BCAS3: variants seen among roughly 807,000 people sequenced by gnomAD.
BCAS3 encodes BCAS4/BCAS3 fusion.
Under a neutral mutation model 116.1 loss-of-function variants are expected in BCAS3, and 53 were observed. The observed-to-expected ratio is 0.46, with a 90% confidence interval of 0.37 to 0.57. BCAS3 has a LOEUF of 0.57. Ranked by LOEUF, BCAS3 falls within the 20% of genes least tolerant of loss-of-function variation. The probability of loss-of-function intolerance (pLI) is 0.00; values close to 1 mark genes in which losing one functional copy is unlikely to be tolerated. For synonymous variants in BCAS3, 391 were observed against 408.2 expected (o/e 0.96, Z 0.51); for missense variants, 917 against 1,165.4 (o/e 0.79, Z 3.10).
At position 61,286,957 on chromosome 17, in the gene BCAS3, G is replaced by A. The variant is rs145867380; in HGVS notation, c.2426-81370G>A. On this transcript the variant is annotated intron_variant, in intron 22 of 23. Coordinates refer to ENST00000407086, the MANE Select transcript of BCAS3 (RefSeq NM_017679.5). The surrounding 1 kb of genome is among the most constrained non-coding windows in gnomAD (Gnocchi z 4.8). ...ATGCCATGGTCTTTACACCTAAAGA[G>A]CTCTATGGAGGCCAGGCGTGGTGGC... Among the ~76,000 whole-genome samples, 996 of 152,278 alleles carry A rather than the reference G, an allele frequency of 6.5e-3. 2 individuals are homozygous for A. Among genetic ancestry groups the A allele is most frequent in the Non-Finnish European group, 0.011 (770 of 68,024 alleles).
At chr17:60,760,811 T>C (rs1211029863) in intron 6 of BCAS3, among the ~76,000 whole-genome samples, 1 of 152,300 alleles carries the variant, frequency 6.6e-6, no homozygotes, top group Middle Eastern at 3.4e-3. Context: ...TCTAACCCTT[T>C]CATTCTATCT....
At position 61,220,308 on chromosome 17, in the gene BCAS3, A is replaced by AAACAAAC. The variant is rs1410207443; in HGVS notation, c.2425+135750_2425+135751insCAACAAA. Among the ~76,000 whole-genome samples the AAACAAAC allele has an allele frequency of 3.1e-4, 5 of 15,956 alleles. No individual in the cohort carries two copies. The highest frequency in any genetic ancestry group is 1.1e-3 in the African/African-American group (5 of 4,696). 10.5% of individuals were successfully genotyped at this position (15,956 alleles called of 152,430 possible). On this transcript the variant is annotated intron_variant, in intron 22 of 23. Coordinates refer to ENST00000407086, the MANE Select transcript of BCAS3 (RefSeq NM_017679.5). The surrounding 1 kb of genome is among the most constrained non-coding windows in gnomAD (Gnocchi z 4.5). ...GACTCCATCTCAAAAAACAAACAAA[A>AAACAAAC]AACAAAAAAACTGAAGTTTTCTCAT... is the stretch of plus-strand genomic sequence containing the variant.
At position 61,380,056 on chromosome 17, in the gene BCAS3, G is replaced by A. The variant is rs2059534437; in HGVS notation, c.2593+11562G>A. The A allele has an allele frequency of 5.7e-6, 1 of 175,362 alleles. No homozygotes were observed. Among genetic ancestry groups the A allele is most frequent in the South Asian group, 1.3e-4 (1 of 7,414 alleles). The allele number at this position is 175,362 out of a possible 1,614,324, so 10.9% of individuals were successfully genotyped here. A position where few individuals can be genotyped will look rare whatever the true frequency, so the allele number is the denominator to read the frequency against. ...TCCCCGACCACTGAGAGCTGAGTAG[G>A]ATCCTGTGGTTAGTGCCCTTGAGCT... On this transcript the variant is annotated intron_variant, in intron 23 of 23. Coordinates refer to ENST00000407086, the MANE Select transcript of BCAS3 (RefSeq NM_017679.5). This position sits in a 1 kb window ranked among gnomAD's most constrained non-coding sequence, Gnocchi z 4.2.
intron 19 of BCAS3, among the ~76,000 whole-genome samples, chr17:61,069,243 TAAA>T (rs2071055490): frequency 6.6e-6 from 1 of 152,000 alleles, no homozygotes. Context: ...GGAAGAGTAA[TAAA>T]GCTACCCAGC....
At chr17:60,697,458 C>G (rs181068395) in intron 4 of BCAS3, among the ~76,000 whole-genome samples, 97 of 151,910 alleles carry the variant, frequency 6.4e-4, no homozygotes, top group African/African-American at 2.2e-3. Flanking sequence ...TGGCAGGTGC[C>G]CGTAATCCCA....
rs902508683 is a variant in BCAS3, at chr17:61,362,882, T to C, written c.2426-5445T>C. On this transcript the variant is annotated intron_variant, in intron 22 of 23. Coordinates refer to ENST00000407086, the MANE Select transcript of BCAS3 (RefSeq NM_017679.5). The surrounding 1 kb of genome is among the most constrained non-coding windows in gnomAD (Gnocchi z 4.4). ...GCTCACTTATCTTCTTCTTCCTTCC[T>C]CTCTTTTAATTTTAACTCCACTTTC... 1 of 152,208 alleles carries C rather than the reference T, an allele frequency of 6.6e-6. No homozygotes were observed. Among genetic ancestry groups the C allele is most frequent in the Non-Finnish European group, 1.5e-5 (1 of 68,034 alleles). The allele number at this position is 152,208 out of a possible 1,614,324, so 9.4% of individuals were successfully genotyped here. A position where few individuals can be genotyped will look rare whatever the true frequency, so the allele number is the denominator to read the frequency against.
chr17:61,233,025 T>A lies in BCAS3; in HGVS notation c.2426-135302T>A, dbSNP rs944871974. On this transcript the variant is annotated intron_variant, in intron 22 of 23. Coordinates refer to ENST00000407086, the MANE Select transcript of BCAS3 (RefSeq NM_017679.5). This position sits in a 1 kb window ranked among gnomAD's most constrained non-coding sequence, Gnocchi z 4.3. The stretch of plus-strand genomic sequence containing the variant: ...GTGTTTGTTTTGGGCCTCCATGAAG[T>A]CATTCCTTTGCAGTGATCTGTAGCT... Among the ~76,000 whole-genome samples the A allele has an allele frequency of 2.0e-5, 3 of 152,204 alleles. No individual in the cohort carries two copies. The highest frequency in any genetic ancestry group is 2.9e-5 in the Non-Finnish European group (2 of 68,036).
intron 6 of BCAS3, among the ~76,000 whole-genome samples, chr17:60,756,766 T>C (rs1015179992): frequency 6.6e-6 from 1 of 152,226 alleles, no homozygotes; most frequent in Non-Finnish European, 1.5e-5. Context: ...TTCTTCTCCT[T>C]TGGATAAATA....
chr17:60,890,393 G>T (rs900086377), intron 10 of BCAS3, among the ~76,000 whole-genome samples: 1 of 152,138 alleles, frequency 6.6e-6, no homozygotes, highest in East Asian at 1.9e-4. Flanking sequence ...AGTGGAGGTT[G>T]TGGTGAGCTG....
At chr17:60,968,614 C>A (rs908307401) in intron 14 of BCAS3, among the ~76,000 whole-genome samples, 1 of 152,016 alleles carries the variant, frequency 6.6e-6, no homozygotes, top group Non-Finnish European at 1.5e-5. Flanking sequence ...TTCACCTTGG[C>A]TCTGCTAAAT....
At chr17:61,304,214 T>C (rs1239427167) in intron 22 of BCAS3, among the ~76,000 whole-genome samples, 1 of 152,244 alleles carries the variant, frequency 6.6e-6, no homozygotes, top group Non-Finnish European at 1.5e-5. Context: ...TCTTCCCACC[T>C]TTACTTTGGC....
intron 2 of BCAS3, among the ~76,000 whole-genome samples, chr17:60,680,633 T>G (rs927138584): frequency 4.6e-5 from 7 of 152,024 alleles, no homozygotes; most frequent in African/African-American, 1.7e-4. Flanking sequence ...TTTGAAGATA[T>G]GTATACTTTT....
At chr17:60,895,094 G>A (rs968152293) in intron 10 of BCAS3, among the ~76,000 whole-genome samples, 1 of 152,022 alleles carries the variant, frequency 6.6e-6, no homozygotes, top group Non-Finnish European at 1.5e-5. Flanking sequence ...GTTAGGGAGA[G>A]TTTCTTCCTC....
At chr17:61,109,283 T>TTGTGTGTGTGTGTGTG (rs113547904) in intron 22 of BCAS3, among the ~76,000 whole-genome samples, 5 of 145,430 alleles carry the variant, frequency 3.4e-5, no homozygotes, top group African/African-American at 1.3e-4. Context: ...AGTATTCCAT[T>TTGTGTGTGTGTGTGTG]TGTGTGTGTG....
intron 7 of BCAS3, among the ~76,000 whole-genome samples, chr17:60,845,872 T>TCCTCCTGCCTTGA (rs2052478298): frequency 6.6e-6 from 1 of 151,494 alleles, no homozygotes; most frequent in Admixed American, 6.6e-5. Flanking sequence ...GCTCAAGTGA[T>TCCTCCTGCCTTGA]TCTCCCACCT....
chr17:61,024,948 C>T (rs550921600), intron 16 of BCAS3, among the ~76,000 whole-genome samples: 1 of 151,966 alleles, frequency 6.6e-6, no homozygotes, highest in Non-Finnish European at 1.5e-5. Flanking sequence ...TACAATATAA[C>T]GACGTAAGCC....
intron 6 of BCAS3, among the ~76,000 whole-genome samples, chr17:60,757,388 A>ATGTGTGTG (rs1226198309): frequency 7.3e-6 from 1 of 137,480 alleles, no homozygotes; most frequent in African/African-American, 3.0e-5. Flanking sequence ...CCTTGCCAGC[A>ATGTGTGTG]TGTATATGTG....
At position 60,841,546 on chromosome 17, in the gene BCAS3, A is replaced by ATTTTTTT. The variant is rs754447784; in HGVS notation, c.477-27017_477-27011dup. Among the ~76,000 whole-genome samples the ATTTTTTT allele has an allele frequency of 1.5e-3, 185 of 123,452 alleles. 4 individuals carry two copies. Among genetic ancestry groups the ATTTTTTT allele is most frequent in the African/African-American group, 6.1e-3 (176 of 28,696 alleles). The allele number at this position is 123,452 out of a possible 152,430, so 81.0% of individuals were successfully genotyped here. A position where few individuals can be genotyped will look rare whatever the true frequency, so the allele number is the denominator to read the frequency against. On this transcript the variant is annotated intron_variant, in intron 7 of 23. Transcript: ENST00000407086. ...AGGTGCCCGCCACCACACCTGGCTAATTTTTTTTTTTTTTTTTTTGTATTT... is the reference window on the plus strand; with the variant it reads ...AGGTGCCCGCCACCACACCTGGCTAATTTTTTTTTTTTTTTTTTTTTTTTTTGTATTT...
At chr17:61,001,074 T>G (rs751707593) in intron 15 of BCAS3, among the ~76,000 whole-genome samples, 1 of 152,198 alleles carries the variant, frequency 6.6e-6, no homozygotes, top group Non-Finnish European at 1.5e-5. Flanking sequence ...CTAGAGTTCC[T>G]GCAAGTGTCT....
Sources: allele counts gnomAD v4.1 joint callset (sites outside exome capture counted in the v4.1 genomes callset), GRCh38; gene constraint gnomAD v4.1.1; non-coding constraint Gnocchi (gnomAD v3.1); transcripts MANE v1.5; gene names NCBI Gene and HGNC (gene_info 2026-07-23, HGNC 2026-07-21).